The following RGS7 variants were observed in gnomAD, a reference collection of about 807,000 sequenced individuals.
RGS7 encodes regulator of G protein signaling 7.
RGS7 carries 27 observed loss-of-function variants against 81.1 expected under a neutral mutation model. The observed-to-expected ratio is 0.33, with a 90% confidence interval of 0.25 to 0.46. The LOEUF is 0.46. Among genes scored for constraint, RGS7 ranks in the 20% least tolerant of loss-of-function variants. RGS7 has a pLI of 1.00. For synonymous variants in RGS7, 208 were observed against 207.7 expected (o/e 1.00, Z -0.01); for missense variants, 396 against 607.4 (o/e 0.65, Z 3.66).
At chr1:241,019,514 A>C (rs2059435911) in intron 3 of RGS7, among the ~76,000 whole-genome samples, 1 of 149,630 alleles carries the variant, frequency 6.7e-6, no homozygotes, top group African/African-American at 2.5e-5. Flanking sequence ...CCAGCTCCCC[A>C]CCCCGCAACA....
intron 6 of RGS7, chr1:240,920,278 T>C: frequency 7.6e-7 from 1 of 1,324,502 alleles, no homozygotes; most frequent in Non-Finnish European, 1.1e-6. Flanking sequence ...GGTGGTGGTT[T>C]TGGTGGGAAT....
chr1:241,174,895 GTTTTTTTTTTTTTT>G (rs551122102), intron 2 of RGS7, among the ~76,000 whole-genome samples: 2 of 69,232 alleles, frequency 2.9e-5, no homozygotes, highest in Middle Eastern at 0.03. Context: ...ACAGAATTTT[GTTTTTTTTTTTTTT>G]TTTTTTTTTT....
intron 18 of RGS7, among the ~76,000 whole-genome samples, chr1:240,796,718 A>G (rs1014423551): frequency 3.9e-5 from 6 of 152,068 alleles, no homozygotes; most frequent in African/African-American, 1.4e-4. Flanking sequence ...AACAGATTTG[A>G]TCCTAAAGAT....
chr1:241,270,435 A>G (rs1052937596), intron 2 of RGS7, among the ~76,000 whole-genome samples: 3 of 152,202 alleles, frequency 2.0e-5, no homozygotes, highest in Non-Finnish European at 4.4e-5. Context: ...TGTTCCTTGC[A>G]TTGCAAATCC....
chr1:240,834,862 C>T (rs888709837), intron 9 of RGS7, among the ~76,000 whole-genome samples: 10 of 151,776 alleles, frequency 6.6e-5, no homozygotes, highest in African/African-American at 2.4e-4. Flanking sequence ...GAGTTTTAAA[C>T]AGGAGAGTGA....
At chr1:241,030,491 T>G (rs548023971) in intron 3 of RGS7, among the ~76,000 whole-genome samples, 3,998 of 98,494 alleles carry the variant, frequency 0.041, 211 homozygotes, top group African/African-American at 0.14. Flanking sequence ...TGTATATAGA[T>G]GTACACACAC....
chr1:240,788,583 T>C (rs949571878), intron 18 of RGS7, among the ~76,000 whole-genome samples: 10 of 152,256 alleles, frequency 6.6e-5, no homozygotes, highest in African/African-American at 2.4e-4. Flanking sequence ...AGTCCAGCAA[T>C]CTGTGTTATC....
intron 12 of RGS7, among the ~76,000 whole-genome samples, chr1:240,814,478 G>C (rs2103110625): frequency 6.6e-6 from 1 of 152,272 alleles, no homozygotes; most frequent in South Asian, 2.1e-4. Context: ...GATTCTTAGT[G>C]GAACAAGGAC....
At chr1:241,351,816 A>G (rs1300124437) in intron 2 of RGS7, among the ~76,000 whole-genome samples, 1 of 152,178 alleles carries the variant, frequency 6.6e-6, no homozygotes, top group East Asian at 1.9e-4. Flanking sequence ...TACTGCAGTA[A>G]GATAATGAAT....
intron 4 of RGS7, among the ~76,000 whole-genome samples, chr1:240,944,399 G>A (rs921828811): frequency 1.3e-5 from 2 of 149,176 alleles, no homozygotes; most frequent in African/African-American, 4.9e-5. Flanking sequence ...AGTACAGTGT[G>A]AGGAAACCAT....
At chr1:240,961,308 T>A (rs1681389236) in intron 4 of RGS7, among the ~76,000 whole-genome samples, 1 of 83,876 alleles carries the variant, frequency 1.2e-5, no homozygotes, top group Non-Finnish European at 2.3e-5. Flanking sequence ...ACTTCCTTTT[T>A]TAATCTCCTC....
intron 2 of RGS7, among the ~76,000 whole-genome samples, chr1:241,240,960 G>A (rs1163282631): frequency 1.3e-5 from 2 of 152,106 alleles, no homozygotes; most frequent in Admixed American, 1.3e-4. Context: ...TCTGACAGCT[G>A]CTGCTGCTTC....
chr1:240,884,455 T>C (rs1337052938), intron 6 of RGS7, among the ~76,000 whole-genome samples: 2 of 152,190 alleles, frequency 1.3e-5, no homozygotes, highest in Non-Finnish European at 2.9e-5. Flanking sequence ...GAATCACACA[T>C]GTGTTTGTGT....
intron 6 of RGS7, among the ~76,000 whole-genome samples, chr1:240,890,665 T>C (rs1188307649): frequency 6.6e-6 from 1 of 152,178 alleles, no homozygotes; most frequent in Non-Finnish European, 1.5e-5. Context: ...TTGTGCTTTA[T>C]AGATTAATTA....
chr1:241,010,000 C>G (rs1379887643), intron 3 of RGS7, among the ~76,000 whole-genome samples: 2 of 151,954 alleles, frequency 1.3e-5, no homozygotes, highest in Non-Finnish European at 2.9e-5. Flanking sequence ...CACATGGACA[C>G]AGGGAGGGGA....
chr1:240,885,477 C>T (rs1667192903), intron 6 of RGS7, among the ~76,000 whole-genome samples: 1 of 152,146 alleles, frequency 6.6e-6, no homozygotes, highest in South Asian at 2.1e-4. Context: ...TTCACAATAG[C>T]AAAGACATGG....
intron 2 of RGS7, among the ~76,000 whole-genome samples, chr1:241,115,209 G>A (rs2065806178): frequency 6.6e-6 from 1 of 152,076 alleles, no homozygotes; most frequent in Admixed American, 6.6e-5. Flanking sequence ...TCTATTTTCT[G>A]ATGGCCATTC....
rs56677676 is a variant in RGS7, at chr1:241,192,252, CGTGTGTGTGTGTGT to C, written c.79-93504_79-93491del. 1.3e-4 allele frequency among the ~76,000 whole-genome samples: 16 copies of C among 124,756 alleles called. 1 individual carries two copies. Among genetic ancestry groups the C allele is most frequent in the African/African-American group, 3.9e-4 (12 of 31,122 alleles). The allele number at this position is 124,756 out of a possible 152,430, so 81.8% of individuals were successfully genotyped here. On this transcript the variant is annotated intron_variant, in intron 2 of 18. Coordinates refer to ENST00000440928, the MANE Select transcript of RGS7 (RefSeq NM_001364886.1). ...GGCTTGGTTTTATTTTCTGTCTGCA[CGTGTGTGTGTGTGT>C]GTGTGTGTGTGTGTGTGTGTTTGGT...
rs375519032 is a variant in RGS7 at position 241,271,186 on chromosome 1, G to A, written c.78+84513C>T. Among the ~76,000 whole-genome samples the A allele has an allele frequency of 6.6e-6, 1 of 152,210 alleles. No individual in the cohort carries two copies. Among genetic ancestry groups the A allele is most frequent in the East Asian group, 1.9e-4 (1 of 5,172 alleles). On this transcript the variant is annotated intron_variant, in intron 2 of 18. Coordinates refer to ENST00000440928, the MANE Select transcript of RGS7 (RefSeq NM_001364886.1). This position sits in a 1 kb window ranked among gnomAD's most constrained non-coding sequence, Gnocchi z 4.6. Reference sequence around the variant, plus strand: ...GCTAAAACGTCTCCTTTATAATGTGGAGCTAAACAGTTCAAAATCTTGAAC... The same window carrying A: ...GCTAAAACGTCTCCTTTATAATGTGAAGCTAAACAGTTCAAAATCTTGAAC...
Sources: gnomAD v4.1 joint callset for allele counts (sites outside exome capture counted in the v4.1 genomes callset) on GRCh38, gnomAD v4.1.1 for gene constraint, Gnocchi (gnomAD v3.1) non-coding constraint, MANE v1.5 for transcripts, NCBI Gene and HGNC (gene_info 2026-07-23, HGNC 2026-07-21) for gene names.